KLHL25: variants seen among roughly 807,000 people sequenced by gnomAD.
KLHL25 encodes the protein kelch like family member 25, also known as kelch-like protein 25.
In KLHL25, 41 loss-of-function variants were observed where a neutral mutation model predicts 30.0. The ratio of observed to expected loss-of-function variants is 1.37; its 90% CI spans 1.07 to 1.78. KLHL25 has a LOEUF of 1.78. Ranked by LOEUF, KLHL25 falls within the 40% of genes most tolerant of loss-of-function variation. KLHL25 has a pLI of 0.00. For synonymous variants in KLHL25, 399 were observed against 355.3 expected (o/e 1.12, Z -1.38); for missense variants, 971 against 824.5 (o/e 1.18, Z -2.18).
At chr15:85,767,144 C>T (rs2089630559) in intron 2 of KLHL25, among the ~76,000 whole-genome samples, 2 of 152,152 alleles carry the variant, frequency 1.3e-5, no homozygotes, top group African/African-American at 4.8e-5. Context: ...GTGTGCACCA[C>T]CATGCCTGGC....
intron 1 of KLHL25, among the ~76,000 whole-genome samples, chr15:85,773,302 TCA>T (rs2089689086): frequency 6.6e-6 from 1 of 152,108 alleles, no homozygotes; most frequent in Non-Finnish European, 1.5e-5. Context: ...CGAAACTCAT[TCA>T]TATCAACTCC....
At chr15:85,772,819 G>A (rs1488441497) in intron 1 of KLHL25, among the ~76,000 whole-genome samples, 5 of 152,366 alleles carry the variant, frequency 3.3e-5, no homozygotes, top group East Asian at 1.9e-4. Flanking sequence ...TGCCAAAGTC[G>A]GCACCAAGAA....
intron 1 of KLHL25, among the ~76,000 whole-genome samples, chr15:85,792,626 C>T (rs77810891): frequency 6.6e-6 from 1 of 152,188 alleles, no homozygotes. Context: ...ACACTACGGA[C>T]GAGAGCAAAC....
intron 1 of KLHL25, chr15:85,770,509 G>C (rs779914412): frequency 1.9e-6 from 1 of 534,248 alleles, no homozygotes; most frequent in Non-Finnish European, 3.8e-6. Flanking sequence ...CGCCATCAAG[G>C]CCCAAGTGCT....
At chr15:85,772,867 C>T (rs2089686322) in intron 1 of KLHL25, among the ~76,000 whole-genome samples, 1 of 152,260 alleles carries the variant, frequency 6.6e-6, no homozygotes, top group East Asian at 1.9e-4. Context: ...AACTCATGTA[C>T]ACGCCCAGGC....
At chr15:85,787,850 G>T (rs934814433) in intron 1 of KLHL25, among the ~76,000 whole-genome samples, 1 of 152,126 alleles carries the variant, frequency 6.6e-6, no homozygotes, top group East Asian at 1.9e-4. Flanking sequence ...AGATACAAAG[G>T]AGGGGATGGA....
intron 1 of KLHL25, among the ~76,000 whole-genome samples, chr15:85,773,674 C>T (rs1164246666): frequency 6.6e-6 from 1 of 152,184 alleles, no homozygotes; most frequent in Non-Finnish European, 1.5e-5. Flanking sequence ...CAGTGGGACT[C>T]TATACTAAGA....
chr15:85,790,411 C>G (rs145674235), intron 1 of KLHL25, among the ~76,000 whole-genome samples: 388 of 152,246 alleles, frequency 2.5e-3, no homozygotes, highest in South Asian at 5.2e-3. Context: ...TAAATTGGCC[C>G]CTCTGTACTC....
chr15:85,774,783 T>C (rs2089698850), intron 1 of KLHL25, among the ~76,000 whole-genome samples: 1 of 152,036 alleles, frequency 6.6e-6, no homozygotes, highest in Admixed American at 6.5e-5. Context: ...ACAGCTCAAA[T>C]TATCTCTGGA....
At chr15:85,783,304 G>C (rs2151812069) in intron 1 of KLHL25, among the ~76,000 whole-genome samples, 1 of 151,872 alleles carries the variant, frequency 6.6e-6, no homozygotes, top group East Asian at 2.0e-4. Flanking sequence ...ATGTTGGCCA[G>C]GCTGGTCTCG....
At chr15:85,766,022 GC>G (rs1477132197) in intron 2 of KLHL25, among the ~76,000 whole-genome samples, 2 of 152,134 alleles carry the variant, frequency 1.3e-5, no homozygotes, top group Non-Finnish European at 2.9e-5. Flanking sequence ...TAGAGGCTGA[GC>G]CATCAGCTTC....
rs138022113 is a variant in KLHL25, at chr15:85,769,615, C to T, written c.196G>A (p.Ala66Thr). 2.4e-5 allele frequency: 38 copies of T among 1,613,098 alleles called. No individual in the cohort carries two copies. The highest frequency in any genetic ancestry group is 6.7e-5 in the African/African-American group (5 of 75,060). The stretch of plus-strand genomic sequence containing the variant: ...ATGGCCTCAAAATAGCGGCTAGAGG[C>T]GGCCAGCACGGCACGGTGACAGGGG... ...AFPCHRAVLA[A>T]SSRYFEAMFS... The change falls in exon 2 of 3, where the codon GCC becomes ACC. Residue 66 changes from alanine to threonine, a missense_variant. Physicochemically the swap from Ala to Thr is moderately conservative, Grantham distance 58 (BLOSUM62 0). Transcript: ENST00000337975.
chr15:85,781,061 GT>G (rs2089739790), intron 1 of KLHL25, among the ~76,000 whole-genome samples: 1 of 152,248 alleles, frequency 6.6e-6, no homozygotes, highest in Admixed American at 6.5e-5. Context: ...GCCGGGCGCA[GT>G]GGCTCATGCT....
At chr15:85,786,996 G>C (rs1281095148) in intron 1 of KLHL25, among the ~76,000 whole-genome samples, 1 of 152,178 alleles carries the variant, frequency 6.6e-6, no homozygotes, top group East Asian at 1.9e-4. Flanking sequence ...ATAAGAGGCA[G>C]AACCAGCACT....
intron 1 of KLHL25, among the ~76,000 whole-genome samples, chr15:85,791,713 A>G (rs1030766734): frequency 2.0e-5 from 3 of 152,148 alleles, no homozygotes; most frequent in Non-Finnish European, 2.9e-5. Context: ...CAGGGAACAA[A>G]AACAAAAAAG....
In KLHL25 at chr15:85,787,934, C is replaced by T. The variant is rs546902118; in HGVS notation, c.-11+6832G>A. Among the ~76,000 whole-genome samples the T allele has an allele frequency of 6.6e-5, 10 of 150,926 alleles. No homozygotes were observed. The East Asian group carries it at 7.9e-4, about 12-fold the overall frequency. Reference sequence around the variant, plus strand: ...AATCCTAGCTGGGCGTGGTGGCTTGCGCCTGTAATCCCAGCTACTTGGGAG... The same window carrying T: ...AATCCTAGCTGGGCGTGGTGGCTTGTGCCTGTAATCCCAGCTACTTGGGAG... On this transcript the variant is annotated intron_variant, in intron 1 of 2. Transcript: ENST00000337975.
chr15:85,792,518 AG>A (rs1359665881), intron 1 of KLHL25, among the ~76,000 whole-genome samples: 1 of 152,154 alleles, frequency 6.6e-6, no homozygotes, highest in Non-Finnish European at 1.5e-5. Flanking sequence ...CTTTGGGACC[AG>A]GGGGTAGGTT....
intron 1 of KLHL25, among the ~76,000 whole-genome samples, chr15:85,791,622 C>T (rs115260584): frequency 0.011 from 1,586 of 144,668 alleles, 28 homozygotes; most frequent in African/African-American, 0.038. Context: ...AGGTAGGGGG[C>T]GGGGGTGAGG....
intron 2 of KLHL25, among the ~76,000 whole-genome samples, chr15:85,764,802 T>C (rs1224458289): frequency 1.3e-5 from 2 of 152,256 alleles, no homozygotes; most frequent in Non-Finnish European, 2.9e-5. Context: ...CTTCTGAAAC[T>C]GGCAATCACT....
Sources: allele counts gnomAD v4.1 joint callset (sites outside exome capture counted in the v4.1 genomes callset), GRCh38; gene constraint gnomAD v4.1.1; transcripts MANE v1.5; gene names NCBI Gene and HGNC (gene_info 2026-07-23, HGNC 2026-07-21).